GTF2F2: variants seen among roughly 807,000 people sequenced by gnomAD.
GTF2F2 encodes the protein general transcription factor IIF subunit 2, also known as ATP-dependent helicase GTF2F2.
In GTF2F2, 23 loss-of-function variants were observed where a neutral mutation model predicts 42.2. That is an observed-to-expected ratio of 0.55 (90% confidence interval 0.39 to 0.77). GTF2F2 has a LOEUF of 0.77. GTF2F2 is among the 30% of genes least tolerant of loss of function. GTF2F2 has a pLI of 0.00. For missense variants in GTF2F2, 261 were observed against 287.2 expected (o/e 0.91, Z 0.66); for synonymous variants, 105 against 100.8 (o/e 1.04, Z -0.25).
intron 5 of GTF2F2, among the ~76,000 whole-genome samples, chr13:45,223,262 TAAAAAAAAAAA>T (rs60690884): frequency 8.3e-5 from 8 of 96,306 alleles, no homozygotes; most frequent in African/African-American, 2.5e-4. Context: ...CTTGTCTCAA[TAAAAAAAAAAA>T]AAAAAAAAAA....
chr13:45,199,205 T>C (rs937815588), intron 4 of GTF2F2, among the ~76,000 whole-genome samples: 16 of 152,358 alleles, frequency 1.1e-4, no homozygotes, highest in African/African-American at 3.8e-4. Context: ...TTTTGCAGTG[T>C]TGAACTGCGT....
intron 4 of GTF2F2, among the ~76,000 whole-genome samples, chr13:45,168,089 T>C (rs1015834440): frequency 2.6e-5 from 4 of 152,242 alleles, no homozygotes; most frequent in Admixed American, 6.5e-5. Flanking sequence ...CTGTACCGTT[T>C]AGCAAAGAAA....
chr13:45,154,731 A>G (rs925883668), intron 4 of GTF2F2, among the ~76,000 whole-genome samples: 1 of 152,244 alleles, frequency 6.6e-6, no homozygotes. Context: ...TGCTCAGTAT[A>G]TAATGAATGC....
In GTF2F2 at chr13:45,194,048, G is replaced by A. The variant is rs762666968; in HGVS notation, c.305-13376G>A. ...CCATCCAGCCTGCTTTTGGACACCA[G>A]AACAATGCGAGACTTTATTTTTGAT... On this transcript the variant is annotated intron_variant, in intron 4 of 7. Coordinates refer to ENST00000340473, the MANE Select transcript of GTF2F2 (RefSeq NM_004128.3). 2.5e-6 allele frequency: 4 copies of A among 1,614,102 alleles called. No individual in the cohort carries two copies. The East Asian group carries it at 8.9e-5, about 36-fold the overall frequency.
At chr13:45,256,753 G>A (rs1876119418) in intron 6 of GTF2F2, among the ~76,000 whole-genome samples, 1 of 151,972 alleles carries the variant, frequency 6.6e-6, no homozygotes, top group South Asian at 2.1e-4. Flanking sequence ...ACGAACACAG[G>A]TCAGCAAGAA....
At chr13:45,256,245 G>T (rs985305090) in intron 6 of GTF2F2, among the ~76,000 whole-genome samples, 3 of 152,110 alleles carry the variant, frequency 2.0e-5, no homozygotes, top group African/African-American at 7.2e-5. Flanking sequence ...GATTGGAAAG[G>T]AAAGAAAGCC....
At chr13:45,241,355 CTCT>C (rs1458271681) in intron 5 of GTF2F2, among the ~76,000 whole-genome samples, 1 of 152,056 alleles carries the variant, frequency 6.6e-6, no homozygotes, top group Non-Finnish European at 1.5e-5. Flanking sequence ...CAGCTTCTCT[CTCT>C]TATGTTCTAC....
At chr13:45,198,164 A>G (rs1872996884) in intron 4 of GTF2F2, among the ~76,000 whole-genome samples, 1 of 152,258 alleles carries the variant, frequency 6.6e-6, no homozygotes, top group African/African-American at 2.4e-5. Flanking sequence ...AAACTCTGGC[A>G]GAACCTTCCA....
intron 4 of GTF2F2, among the ~76,000 whole-genome samples, chr13:45,183,675 AACT>A (rs1872271986): frequency 1.3e-5 from 2 of 152,106 alleles, no homozygotes; most frequent in South Asian, 4.1e-4. Flanking sequence ...CAGGAGAAGT[AACT>A]ATCAATATCT....
At chr13:45,226,049 T>C (rs1874335946) in intron 5 of GTF2F2, among the ~76,000 whole-genome samples, 1 of 148,256 alleles carries the variant, frequency 6.7e-6, no homozygotes, top group Non-Finnish European at 1.5e-5. Context: ...TAAATGGTGA[T>C]TATATCCGGA....
At chr13:45,254,335 A>G (rs1876008932) in intron 6 of GTF2F2, among the ~76,000 whole-genome samples, 1 of 152,202 alleles carries the variant, frequency 6.6e-6, no homozygotes, top group South Asian at 2.1e-4. Context: ...TGGGGCAGGG[A>G]GGTGTCTTGC....
chr13:45,133,954 G>A (rs966669020), intron 1 of GTF2F2, among the ~76,000 whole-genome samples: 6 of 152,114 alleles, frequency 3.9e-5, no homozygotes, highest in South Asian at 2.1e-4. Flanking sequence ...TCCTGATTCC[G>A]CCACAAAAGT....
chr13:45,222,485 T>C (rs1451207221), intron 5 of GTF2F2, among the ~76,000 whole-genome samples: 2 of 152,222 alleles, frequency 1.3e-5, no homozygotes, highest in African/African-American at 2.4e-5. Flanking sequence ...CTCTTTAAAA[T>C]GGCATGTCTT....
At chr13:45,236,490 T>TAC (rs3047056) in intron 5 of GTF2F2, among the ~76,000 whole-genome samples, 19,390 of 141,818 alleles carry the variant, frequency 0.14, 1,382 homozygotes, top group Non-Finnish European at 0.18. Context: ...CCGCCACACA[T>TAC]ACACACACAC....
chr13:45,237,981 TCTCA>T lies in GTF2F2; in HGVS notation c.387-14886_387-14883del, dbSNP rs1875076493. ...TTGTTTGTTTGTTTTTGAGATGAAG[TCTCA>T]CTCTGTAGCCCAGGCTGGAGTGCAG... On this transcript the variant is annotated intron_variant, in intron 5 of 7. Transcript: ENST00000340473. Among the ~76,000 whole-genome samples the T allele has an allele frequency of 2.0e-5, 3 of 152,018 alleles. No homozygotes were observed. The South Asian group carries it at 6.2e-4, about 31-fold the overall frequency.
intron 7 of GTF2F2, among the ~76,000 whole-genome samples, chr13:45,275,785 C>CATA (rs1877008603): frequency 6.6e-6 from 1 of 152,084 alleles, no homozygotes; most frequent in East Asian, 1.9e-4. Flanking sequence ...GTCTTTATAA[C>CATA]AGCATGATTT....
At position 45,269,511 on chromosome 13, in the gene GTF2F2, G is replaced by A. The variant is rs113763083; in HGVS notation, c.630+2135G>A. Reference sequence around the variant, plus strand: ...CAAAGTCTAGCTCTCCCCCAAGTAGGCAACTATCCCCCTTTAAAAGGATTC... The same window carrying A: ...CAAAGTCTAGCTCTCCCCCAAGTAGACAACTATCCCCCTTTAAAAGGATTC... On this transcript the variant is annotated intron_variant, in intron 7 of 7. Transcript: ENST00000340473. Among the ~76,000 whole-genome samples, 1,040 of 152,262 alleles carry A rather than the reference G, an allele frequency of 6.8e-3. 8 individuals are homozygous for A. Among genetic ancestry groups the A allele is most frequent in the Non-Finnish European group, 0.011 (747 of 68,014 alleles).
At chr13:45,149,712 C>G in intron 2 of GTF2F2, 58 bp from the exon 3 acceptor site, 1 of 1,430,540 alleles carries the variant, frequency 7.0e-7, no homozygotes, top group East Asian at 2.6e-5. Flanking sequence ...TCTTAACTCA[C>G]ATTTGAAAAC....
intron 4 of GTF2F2, among the ~76,000 whole-genome samples, chr13:45,174,098 C>A (rs1373478284): frequency 1.3e-5 from 2 of 152,080 alleles, no homozygotes; most frequent in Non-Finnish European, 2.9e-5. Flanking sequence ...ATCTAACTAG[C>A]CTCTCATTGA....
Sources: gnomAD v4.1 joint callset for allele counts (sites outside exome capture counted in the v4.1 genomes callset) on GRCh38, gnomAD v4.1.1 for gene constraint, MANE v1.5 for transcripts, NCBI Gene and HGNC (gene_info 2026-07-23, HGNC 2026-07-21) for gene names.